XKR5: variants seen among roughly 807,000 people sequenced by gnomAD.
XKR5 encodes XK-related protein 5.
Under a neutral mutation model 40.8 loss-of-function variants are expected in XKR5, and 46 were observed. That is an observed-to-expected ratio of 1.13 (90% confidence interval 0.89 to 1.44). The LOEUF (loss-of-function observed/expected upper bound fraction) is 1.44, where lower values mean the gene tolerates loss of function less well. XKR5 is among the 40% of genes most tolerant of loss of function. The probability of loss-of-function intolerance (pLI) is 0.00; values close to 1 mark genes in which losing one functional copy is unlikely to be tolerated. For synonymous variants in XKR5, 466 were observed against 356.1 expected (o/e 1.31, Z -3.48); for missense variants, 1,169 against 844.7 (o/e 1.38, Z -4.76).
chr8:6,828,266 G>C (rs2741086), intron 2 of XKR5, among the ~76,000 whole-genome samples: 29,397 of 152,118 alleles, frequency 0.19, 2,938 homozygotes, highest in South Asian at 0.28. Flanking sequence ...TCCTGGAAGA[G>C]GAGGACAGGC....
At chr8:6,829,762 C>A (rs557697720) in intron 2 of XKR5, among the ~76,000 whole-genome samples, 2 of 151,216 alleles carry the variant, frequency 1.3e-5, no homozygotes, top group South Asian at 2.1e-4. Context: ...AGAGATCAGC[C>A]TGCCTCCACC....
chr8:6,823,544 T>G lies in XKR5; in HGVS notation c.614A>C (p.His205Pro). 1 of 1,591,586 alleles carries G rather than the reference T, an allele frequency of 6.3e-7. No individual in the cohort carries two copies. The highest frequency in any genetic ancestry group is 8.6e-7 in the Non-Finnish European group (1 of 1,168,966). Residue 205 changes from histidine to proline, a missense_variant, in exon 4 of 7, where the codon CAC (histidine) becomes CCC (proline). Physicochemically the swap from His to Pro is moderately conservative, Grantham distance 77. Coordinates refer to ENST00000618742, the MANE Select transcript of XKR5 (RefSeq NM_207411.5). ...LSLVLFYKAY[H>P]FWVFVVAGAH... ...ACCTGCAACCACAAAAACCCAAAAG[T>G]GGTAGGCTTTGTAGAACAGAACCAG... is the stretch of plus-strand genomic sequence containing the variant.
In XKR5 at chr8:6,809,490, C is replaced by G. The variant is rs1803585401; in HGVS notation, c.*1708G>C. The G allele has an allele frequency of 1.3e-5, 2 of 152,040 alleles. No homozygotes were observed. Among genetic ancestry groups the G allele is most frequent in the African/African-American group, 4.8e-5 (2 of 41,378 alleles). The allele number at this position is 152,040 out of a possible 1,614,324, so 9.4% of individuals were successfully genotyped here. On this transcript the variant is annotated 3_prime_UTR_variant, in exon 7 of 7. Transcript: ENST00000618742. ...TTTTAGTAGTGATGGGGTCTCACTA[C>G]ATTGCCCAGGCTGGTCTCGAACTTC...
At chr8:6,828,308 C>T (rs1804612616) in intron 2 of XKR5, among the ~76,000 whole-genome samples, 1 of 152,018 alleles carries the variant, frequency 6.6e-6, no homozygotes, top group Non-Finnish European at 1.5e-5. Context: ...TAGGAAGAGC[C>T]TAAAGGAGTG....
At chr8:6,812,424 T>G in intron 6 of XKR5, 85 bp from the exon 7 acceptor site, 1 of 1,384,644 alleles carries the variant, frequency 7.2e-7, no homozygotes, top group Non-Finnish European at 9.6e-7. Flanking sequence ...TTCTGGCCCT[T>G]TTGTGTAGAG....
intron 6 of XKR5, among the ~76,000 whole-genome samples, chr8:6,813,747 T>G (rs967266740): frequency 2.0e-5 from 3 of 152,140 alleles, no homozygotes; most frequent in Non-Finnish European, 4.4e-5. Context: ...CCCGTGGCTA[T>G]GGACTCCCTA....
intron 1 of XKR5, among the ~76,000 whole-genome samples, chr8:6,833,165 A>G (rs181980619): frequency 1.3e-3 from 197 of 152,318 alleles, no homozygotes; most frequent in African/African-American, 4.5e-3. Flanking sequence ...GCAGAAGGCA[A>G]TCTTCTTTTG....
rs995547923 is a variant in XKR5, at chr8:6,812,182, C to A, written c.1077G>T (p.Glu359Asp). 6.4e-7 allele frequency: 1 copy of A among 1,551,674 alleles called. No homozygotes were observed. The highest frequency in any genetic ancestry group is 1.4e-5 in the African/African-American group (1 of 73,064). The change falls in exon 7 of 7, where the codon GAG (glutamate) becomes GAT (aspartate). Residue 359 changes from glutamate to aspartate, a missense_variant. Physicochemically the swap from Glu to Asp is conservative, Grantham distance 45 (BLOSUM62 2). Coordinates refer to ENST00000618742, the MANE Select transcript of XKR5 (RefSeq NM_207411.5). ...RATDLAGKRT[E>D]SSGSCQGASY... ...TTGCCCCTTGGCATGAGCCTGAGCT[C>A]TCGGTTCTCTTCCCAGCTAGATCTG...
chr8:6,818,221 T>C (rs953390021), intron 5 of XKR5, among the ~76,000 whole-genome samples: 2 of 152,250 alleles, frequency 1.3e-5, no homozygotes, highest in South Asian at 2.1e-4. Flanking sequence ...TTTCCATTAC[T>C]TCCGCAGCTT....
At position 6,825,318 on chromosome 8, in the gene XKR5, T is replaced by C. The variant is rs1304043282; in HGVS notation, c.274A>G (p.Lys92Glu). 2 of 1,599,538 alleles carry C rather than the reference T, an allele frequency of 1.3e-6. No homozygotes were observed. The highest frequency in any genetic ancestry group is 1.7e-6 in the Non-Finnish European group (2 of 1,174,740). ...HWDAALTSLQKELEAPHRGWL... is the reference protein window; with the variant it reads ...HWDAALTSLQEELEAPHRGWL... ...CCTCGGTGGGGAGCCTCCAGTTCCT[T>C]CTGCAGACTGGTCAGTGCAGCGTCC... Residue 92 changes from lysine to glutamate, a missense_variant, in exon 3 of 7, where the codon AAG (lysine) becomes GAG (glutamate). Physicochemically the swap from Lys to Glu is moderately conservative, Grantham distance 56 (BLOSUM62 1). Transcript: ENST00000618742.
rs1307662201 is a variant in XKR5 at position 6,821,929 on chromosome 8, G to T, written c.747C>A (p.Ile249=). The change falls in exon 5 of 7, where the codon ATC becomes ATA. Residue 249 remains isoleucine (I), a synonymous_variant. Coordinates refer to ENST00000618742, the MANE Select transcript of XKR5 (RefSeq NM_207411.5). ...LFNLLVGAVY[I]LCYLSFWDSP... is the part of the protein sequence containing the mutation. ...TGTCCCAGAAGCTGAGGTAGCAGAG[G>T]ATGTACACGGCCCCCACGAGCAGGT... 5 of 1,613,282 alleles carry T rather than the reference G, an allele frequency of 3.1e-6. No homozygotes were observed. Among genetic ancestry groups the T allele is most frequent in the Non-Finnish European group, 4.2e-6 (5 of 1,179,602 alleles).
In XKR5 at chr8:6,809,424, G is replaced by C. The variant is rs1033937688; in HGVS notation, c.*1774C>G. ...GTGCCTCAGCCTCTCGAGCAGCTGG[G>C]ACTACAGGTGTGTGCCACCACACCA... On this transcript the variant is annotated 3_prime_UTR_variant, in exon 7 of 7. Coordinates refer to ENST00000618742, the MANE Select transcript of XKR5 (RefSeq NM_207411.5). 2.0e-5 allele frequency: 3 copies of C among 152,150 alleles called. No individual in the cohort carries two copies. Among genetic ancestry groups the C allele is most frequent in the Non-Finnish European group, 4.4e-5 (3 of 68,074 alleles). The allele number at this position is 152,150 out of a possible 1,614,324, so 9.4% of individuals were successfully genotyped here.
chr8:6,828,731 T>G (rs1413689280), intron 2 of XKR5, among the ~76,000 whole-genome samples: 1 of 152,228 alleles, frequency 6.6e-6, no homozygotes, highest in Non-Finnish European at 1.5e-5. Flanking sequence ...TTGCATTTTA[T>G]TGTCCCTGGT....
chr8:6,817,674 C>A (rs1297673217), intron 5 of XKR5, among the ~76,000 whole-genome samples: 2 of 152,228 alleles, frequency 1.3e-5, no homozygotes, highest in African/African-American at 2.4e-5. Flanking sequence ...GGATAGGACC[C>A]TGGACTTCCT....
intron 4 of XKR5, among the ~76,000 whole-genome samples, chr8:6,822,438 G>A (rs1011454060): frequency 6.6e-6 from 1 of 152,156 alleles, no homozygotes; most frequent in Non-Finnish European, 1.5e-5. Context: ...TCTATGTGGT[G>A]CAGCTTTAAT....
intron 1 of XKR5, among the ~76,000 whole-genome samples, chr8:6,833,601 G>C (rs905249666): frequency 6.6e-6 from 1 of 152,222 alleles, no homozygotes; most frequent in African/African-American, 2.4e-5. Flanking sequence ...TGTAATACCA[G>C]CTACTCGGGA....
chr8:6,835,077 T>C (rs996060127), intron 1 of XKR5, among the ~76,000 whole-genome samples: 1 of 151,066 alleles, frequency 6.6e-6, no homozygotes, highest in Non-Finnish European at 1.5e-5. Context: ...GCAAAGCTTG[T>C]GATGGAAGGA....
In XKR5 at chr8:6,812,008, C is replaced by G. The variant is rs1371318106; in HGVS notation, c.1251G>C (p.Val417=). 6.5e-7 allele frequency: 1 copy of G among 1,537,410 alleles called. No individual in the cohort carries two copies. The highest frequency in any genetic ancestry group is 1.4e-5 in the African/African-American group (1 of 73,182). Residue 417 remains valine, a synonymous_variant, in exon 7 of 7, where the codon GTG becomes GTC. Transcript: ENST00000618742. ...CTCCAAAGGCGGCATTGATCTTAGA[C>G]ACATTTCCTGTTTTTAGGGCAAGTT... ...WVKLALKTGN[V]SKINAAFGDN... is the part of the protein sequence containing the mutation.
chr8:6,815,519 G>C (rs150793685), intron 6 of XKR5, among the ~76,000 whole-genome samples: 1 of 152,060 alleles, frequency 6.6e-6, no homozygotes, highest in Non-Finnish European at 1.5e-5. Flanking sequence ...GAGAAGTCAC[G>C]TCCTCAACCC....
Sources: allele counts gnomAD v4.1 joint callset (sites outside exome capture counted in the v4.1 genomes callset), GRCh38; gene constraint gnomAD v4.1.1; transcripts MANE v1.5; gene names NCBI Gene and HGNC (gene_info 2026-07-23, HGNC 2026-07-21).